The following IL17RA variants were observed in gnomAD, a reference collection of about 807,000 sequenced individuals.
IL17RA encodes the protein interleukin 17 receptor A, also known as interleukin-17 receptor A.
IL17RA carries 34 observed loss-of-function variants against 50.4 expected under a neutral mutation model. The observed-to-expected ratio is 0.67, with a 90% confidence interval of 0.51 to 0.90. The LOEUF (loss-of-function observed/expected upper bound fraction) is 0.90, where lower values mean the gene tolerates loss of function less well. IL17RA is among the 40% of genes least tolerant of loss of function. The pLI, the probability that IL17RA is intolerant of heterozygous loss-of-function variation, is 0.00. For missense variants in IL17RA, 1,276 were observed against 1,169.8 expected (o/e 1.09, Z -1.32); for synonymous variants, 585 against 510.4 (o/e 1.15, Z -1.97).
At chr22:17,102,717 G>C (rs908707706) in intron 7 of IL17RA, among the ~76,000 whole-genome samples, 6 of 152,212 alleles carry the variant, frequency 3.9e-5, no homozygotes, top group Non-Finnish European at 7.3e-5. Context: ...CAAGGCAGGA[G>C]AATGGCTTGA....
chr22:17,109,124 A>T lies in IL17RA; in HGVS notation c.1905A>T (p.Ile635=). 6.5e-7 allele frequency: 1 copy of T among 1,548,542 alleles called. No homozygotes were observed. Among genetic ancestry groups the T allele is most frequent in the Middle Eastern group, 2.1e-4 (1 of 4,756 alleles). ...REPGSQACLA[I]DPLVGEEGGA... is the part of the protein sequence containing the mutation. ...CTGGCTCCCAGGCCTGCCTGGCCAT[A>T]GACCCGCTGGTCGGGGAGGAAGGAG... Residue 635 remains isoleucine, a synonymous_variant, in exon 13 of 13, where the codon ATA becomes ATT. Coordinates refer to ENST00000319363, the MANE Select transcript of IL17RA (RefSeq NM_014339.7).
Position 17,109,891 on chromosome 22 carries a change from T to G in IL17RA, c.*71T>G. The G allele has an allele frequency of 7.5e-7, 1 of 1,341,536 alleles. No homozygotes were observed. Among genetic ancestry groups the G allele is most frequent in the Non-Finnish European group, 1.0e-6 (1 of 971,832 alleles). 83.1% of individuals were successfully genotyped at this position (1,341,536 alleles called of 1,614,324 possible). On this transcript the variant is annotated 3_prime_UTR_variant, in exon 13 of 13. Transcript: ENST00000319363. The stretch of plus-strand genomic sequence containing the variant: ...GTGTGTGTGCACGTATTCATCTGTG[T>G]GTACATGTCTGCATGTGTATATGTT...
At chr22:17,099,647 C>CCT (rs1650447846) in intron 4 of IL17RA, among the ~76,000 whole-genome samples, 1 of 152,022 alleles carries the variant, frequency 6.6e-6, no homozygotes, top group Non-Finnish European at 1.5e-5. Flanking sequence ...AAAGGCAGAA[C>CCT]CCCTCTCCGA....
rs1365038211 is a variant in IL17RA at position 17,109,628 on chromosome 22, G to A, written c.2409G>A (p.Gln803=). The A allele has an allele frequency of 1.9e-6, 3 of 1,608,336 alleles. No homozygotes were observed. The East Asian group carries it at 6.7e-5, about 36-fold the overall frequency. ...DQGYISRSSP[Q]PPEGLTEMEE... is the part of the protein sequence containing the mutation. Reference sequence around the variant, plus strand: ...GCTACATCTCCAGGAGCTCCCCGCAGCCCCCCGAGGGACTCACGGAAATGG... The same window carrying A: ...GCTACATCTCCAGGAGCTCCCCGCAACCCCCCGAGGGACTCACGGAAATGG... The change falls in exon 13 of 13, where the codon CAG becomes CAA. Residue 803 remains glutamine, a synonymous_variant. Transcript: ENST00000319363.
intron 5 of IL17RA, among the ~76,000 whole-genome samples, chr22:17,101,274 A>G (rs1326477061): frequency 4.6e-5 from 7 of 152,184 alleles, no homozygotes; most frequent in Non-Finnish European, 8.8e-5. Context: ...GAACCTCACG[A>G]ATTGCCTTGC....
chr22:17,091,520 C>CAA (rs61216374), intron 1 of IL17RA, among the ~76,000 whole-genome samples: 3 of 150,878 alleles, frequency 2.0e-5, no homozygotes, highest in Admixed American at 6.6e-5. Context: ...ACTAAAAATA[C>CAA]AAAAAAAAAT....
chr22:17,093,356 G>A (rs374655033), intron 1 of IL17RA, among the ~76,000 whole-genome samples: 8 of 152,060 alleles, frequency 5.3e-5, no homozygotes, highest in South Asian at 2.1e-4. Context: ...ATCAGAGCAC[G>A]GAAAGAGAGG....
rs2061452132 is a variant in IL17RA, at chr22:17,113,248, C to T, written c.*3428C>T. ...GTCTCTCTGTCACCAGGCTGTATTA[C>T]AGTGGTGCAATCATGGCTCACTGCA... On this transcript the variant is annotated 3_prime_UTR_variant, in exon 13 of 13. Transcript: ENST00000319363. The T allele has an allele frequency of 6.6e-6, 1 of 152,292 alleles. No homozygotes were observed. Among genetic ancestry groups the T allele is most frequent in the Non-Finnish European group, 1.5e-5 (1 of 68,120 alleles). The allele number at this position is 152,292 out of a possible 1,614,324, so 9.4% of individuals were successfully genotyped here.
rs1405087529 is a variant in IL17RA, at chr22:17,109,829, C to G, written c.*9C>G. The G allele has an allele frequency of 1.6e-5, 24 of 1,548,062 alleles. No homozygotes were observed. In the African/African-American group the frequency reaches 3.3e-4, roughly 21 times the overall value. ...AGGGGCCCAGTGCATGAGGGCGGCT[C>G]CCCAGGGACCGCCCAGATCCCAGCT... On this transcript the variant is annotated 3_prime_UTR_variant, in exon 13 of 13. Coordinates refer to ENST00000319363, the MANE Select transcript of IL17RA (RefSeq NM_014339.7).
At chr22:17,100,284 G>T in intron 4 of IL17RA, 71 bp from the exon 5 acceptor site, 2 of 1,588,948 alleles carry the variant, frequency 1.3e-6, no homozygotes, top group Non-Finnish European at 1.7e-6. Flanking sequence ...TGGGAACGGG[G>T]GTCTTTGGGC....
At chr22:17,107,405 C>G (rs552378483) in intron 11 of IL17RA, among the ~76,000 whole-genome samples, 1 of 152,352 alleles carries the variant, frequency 6.6e-6, no homozygotes, top group African/African-American at 2.4e-5. Flanking sequence ...TAACTGTGAT[C>G]CCAATTGATT....
At chr22:17,087,520 A>G (rs539165743) in intron 1 of IL17RA, among the ~76,000 whole-genome samples, 7 of 152,356 alleles carry the variant, frequency 4.6e-5, no homozygotes, top group African/African-American at 1.4e-4. Flanking sequence ...TATTTGATAC[A>G]TATGTGTTGA....
intron 1 of IL17RA, among the ~76,000 whole-genome samples, chr22:17,090,446 T>A (rs1355160628): frequency 1.3e-5 from 2 of 152,272 alleles, no homozygotes; most frequent in Admixed American, 1.3e-4. Flanking sequence ...TATCTTTTAA[T>A]TAATTTTTGT....
intron 7 of IL17RA, among the ~76,000 whole-genome samples, chr22:17,102,713 A>G (rs1263247116): frequency 6.6e-6 from 1 of 152,204 alleles, no homozygotes; most frequent in African/African-American, 2.4e-5. Context: ...AGGCCAAGGC[A>G]GGAGAATGGC....
Position 17,097,100 on chromosome 22 carries a change from T to C in IL17RA, c.163+14T>C. 1 of 1,611,998 alleles carries C rather than the reference T, an allele frequency of 6.2e-7. No individual in the cohort carries two copies. The highest frequency in any genetic ancestry group is 8.5e-7 in the Non-Finnish European group (1 of 1,178,044). ...CGGTCAAGAATAGTAAGTCATCTTT[T>C]TCTGTTCTTCTTCTTGTTGCCTTCT... On this transcript the variant is annotated intron_variant, in intron 2 of 12. Coordinates refer to ENST00000319363, the MANE Select transcript of IL17RA (RefSeq NM_014339.7).
chr22:17,100,877 C>T (rs745872715), intron 5 of IL17RA, among the ~76,000 whole-genome samples: 10 of 152,188 alleles, frequency 6.6e-5, no homozygotes, highest in Non-Finnish European at 1.5e-4. Flanking sequence ...CTTCTCCTTC[C>T]ACCTTACATT....
chr22:17,105,580 TC>T lies in IL17RA; in HGVS notation c.932-10del, dbSNP rs759512999. ...ATGCTATTTTCCCTTTTTCCTCTGT[TC>T]TCATTGCAGAACCAATTCCGGGTAA... is the stretch of plus-strand genomic sequence containing the variant. On this transcript the variant is annotated splice_polypyrimidine_tract_variant and intron_variant, in intron 9 of 12. Transcript: ENST00000319363. 4 of 1,612,582 alleles carry T rather than the reference TC, an allele frequency of 2.5e-6. No individual in the cohort carries two copies. In the African/African-American group the frequency reaches 5.3e-5, roughly 22 times the overall value.
rs1193701059 is a variant in IL17RA, at chr22:17,098,762, C to T, written c.311-13C>T. 4 of 1,607,666 alleles carry T rather than the reference C, an allele frequency of 2.5e-6. No individual in the cohort carries two copies. Among genetic ancestry groups the T allele is most frequent in the Admixed American group, 1.7e-5 (1 of 59,970 alleles). On this transcript the variant is annotated splice_polypyrimidine_tract_variant and intron_variant, in intron 3 of 12. Transcript: ENST00000319363. ...TCTGCATCTGTTTGTCTTCTCTTCT[C>T]CCTCTCCTGCAGCCAGCATCCTGTA...
In IL17RA at chr22:17,098,893, A is replaced by G; in HGVS notation, c.423+6A>G. On this transcript the variant is annotated splice_donor_region_variant and intron_variant, in intron 4 of 12. Transcript: ENST00000319363. ...TGAGGCATCACCACAGGCGGGTAAG[A>G]ACACAGCTCCTGAGTGGATTATGTT... 1 of 1,607,842 alleles carries G rather than the reference A, an allele frequency of 6.2e-7. No individual in the cohort carries two copies.
Sources: gnomAD v4.1 joint callset for allele counts (sites outside exome capture counted in the v4.1 genomes callset) on GRCh38, gnomAD v4.1.1 for gene constraint, MANE v1.5 for transcripts, NCBI Gene and HGNC (gene_info 2026-07-23, HGNC 2026-07-21) for gene names.